Variants in ALK observed in about 807,000 individuals in gnomAD.
The protein encoded by ALK is ALK tyrosine kinase receptor.
Under a neutral mutation model 163.1 loss-of-function variants are expected in ALK, and 74 were observed. The observed-to-expected ratio is 0.45, with a 90% CI of 0.38 to 0.55. The LOEUF (loss-of-function observed/expected upper bound fraction) is 0.55. Ranked by LOEUF, ALK falls within the 20% of genes least tolerant of loss-of-function variation. ALK has a pLI of 0.00. For synonymous variants in ALK, 960 were observed against 843.2 expected, an observed-to-expected ratio of 1.14 and a Z score of -2.40; for missense variants, 2,063 against 2,105.3, an observed-to-expected ratio of 0.98 and a Z score of 0.39.
chr2:29,831,587 T>C (rs1014492052), intron 1 of ALK, among the ~76,000 whole-genome samples: 3 of 152,204 alleles, frequency 2.0e-5, no homozygotes, highest in African/African-American at 4.8e-5. Context: ...TTTTGGCTTC[T>C]TATTCTATCA....
At chr2:29,660,475 G>T (rs1677315452) in intron 3 of ALK, among the ~76,000 whole-genome samples, 1 of 152,062 alleles carries the variant, frequency 6.6e-6, no homozygotes, top group Non-Finnish European at 1.5e-5. Flanking sequence ...CTGGATGCCA[G>T]TCACTCAACT....
intron 3 of ALK, among the ~76,000 whole-genome samples, chr2:29,567,712 A>G (rs1157772561): frequency 6.6e-6 from 1 of 152,206 alleles, no homozygotes; most frequent in East Asian, 1.9e-4. Context: ...AAGAGAAGAA[A>G]AAAAATAAAG....
chr2:29,306,064 T>C (rs184994539), intron 8 of ALK, among the ~76,000 whole-genome samples: 2 of 152,190 alleles, frequency 1.3e-5, no homozygotes, highest in African/African-American at 2.4e-5. Context: ...TGGTTCCTAA[T>C]AGGCCACAGA....
At chr2:29,267,730 T>G (rs1026218534) in intron 11 of ALK, among the ~76,000 whole-genome samples, 11 of 152,044 alleles carry the variant, frequency 7.2e-5, no homozygotes, top group African/African-American at 2.7e-4. Context: ...CCGGATGAAT[T>G]AAAAAAAATG....
At chr2:29,402,822 C>T (rs1007990338) in intron 4 of ALK, among the ~76,000 whole-genome samples, 1 of 152,162 alleles carries the variant, frequency 6.6e-6, no homozygotes, top group African/African-American at 2.4e-5. Context: ...TCTCGCCAAG[C>T]AGCTCCAGCA....
chr2:29,842,489 C>T (rs1007610672), intron 1 of ALK, among the ~76,000 whole-genome samples: 3 of 152,222 alleles, frequency 2.0e-5, no homozygotes, highest in Non-Finnish European at 4.4e-5. Flanking sequence ...TCCCACTTGA[C>T]AATGAACTTT....
chr2:29,231,138 GA>G (rs1477965750), intron 15 of ALK, among the ~76,000 whole-genome samples: 4 of 152,194 alleles, frequency 2.6e-5, no homozygotes, highest in African/African-American at 7.2e-5. Flanking sequence ...AGGAGATTGA[GA>G]CCAGCCTGAC....
In ALK at chr2:29,920,248, C is replaced by T. The variant is rs2148443328; in HGVS notation, c.412G>A (p.Ala138Thr). 3 of 1,608,250 alleles carry T rather than the reference C, an allele frequency of 1.9e-6. No homozygotes were observed. The highest frequency in any genetic ancestry group is 1.7e-6 in the Non-Finnish European group (2 of 1,177,912). ...KGGSVRKLRRAKQLVLELGEE... is the reference protein window; with the variant it reads ...KGGSVRKLRRTKQLVLELGEE... ...CCCAGCTCCAGCACCAACTGCTTGG[C>T]ACGCCGGAGCTTGCGCACGGAGCCG... Residue 138 changes from alanine to threonine, a missense_variant, in exon 1 of 29, where the codon GCC (alanine) becomes ACC (threonine). Physicochemically the swap from Ala to Thr is moderately conservative, Grantham distance 58. Around this residue, in one of 5 missense-constraint regions of ALK, gnomAD observed 987 missense variants for 939.5 expected, o/e 1.05. Transcript: ENST00000389048.
intron 5 of ALK, among the ~76,000 whole-genome samples, chr2:29,335,826 G>T (rs944435626): frequency 6.6e-6 from 1 of 152,036 alleles, no homozygotes; most frequent in Non-Finnish European, 1.5e-5. Context: ...GATTGCTTGT[G>T]GTCAGGAGTT....
intron 4 of ALK, among the ~76,000 whole-genome samples, chr2:29,443,344 A>G (rs1010664765): frequency 6.6e-6 from 1 of 152,242 alleles, no homozygotes; most frequent in Non-Finnish European, 1.5e-5. Flanking sequence ...GTAGGCAAAG[A>G]GCCAGAAAAT....
At chr2:29,847,220 G>A (rs1665870230) in intron 1 of ALK, among the ~76,000 whole-genome samples, 1 of 152,130 alleles carries the variant, frequency 6.6e-6, no homozygotes, top group African/African-American at 2.4e-5. Flanking sequence ...TTCTAGAGGT[G>A]ACCATAATGA....
intron 4 of ALK, among the ~76,000 whole-genome samples, chr2:29,489,695 T>G (rs921175265): frequency 2.0e-5 from 3 of 152,160 alleles, no homozygotes; most frequent in African/African-American, 7.2e-5. Flanking sequence ...TGTTTTACAG[T>G]GAACTCCACC....
chr2:29,754,051 C>A (rs1054893762), intron 1 of ALK, among the ~76,000 whole-genome samples: 1 of 152,038 alleles, frequency 6.6e-6, no homozygotes, highest in Admixed American at 6.6e-5. Context: ...ATCCAAACAA[C>A]AAAAAGAGAG....
intron 4 of ALK, among the ~76,000 whole-genome samples, chr2:29,391,988 G>A (rs963633664): frequency 6.6e-6 from 1 of 152,130 alleles, no homozygotes; most frequent in Admixed American, 6.5e-5. Context: ...AGATATGTGG[G>A]CATGTAGTTT....
chr2:29,768,743 G>GTGTGTGTGTATA (rs373708982), intron 1 of ALK, among the ~76,000 whole-genome samples: 4 of 150,682 alleles, frequency 2.7e-5, no homozygotes, highest in African/African-American at 9.8e-5. Flanking sequence ...GTGTGTGTGT[G>GTGTGTGTGTATA]TATATATGTA....
At chr2:29,507,118 C>G (rs1672348086) in intron 4 of ALK, among the ~76,000 whole-genome samples, 1 of 152,146 alleles carries the variant, frequency 6.6e-6, no homozygotes, top group African/African-American at 2.4e-5. Context: ...ATGTTGAAAG[C>G]AACTCAAGTC....
intron 3 of ALK, among the ~76,000 whole-genome samples, chr2:29,540,573 G>T (rs1454251320): frequency 2.4e-5 from 3 of 125,448 alleles, no homozygotes; most frequent in African/African-American, 9.1e-5. Context: ...CTAAAGAGAA[G>T]AATTATGTTT....
chr2:29,897,774 C>T (rs1667307761), intron 1 of ALK, among the ~76,000 whole-genome samples: 1 of 152,204 alleles, frequency 6.6e-6, no homozygotes, highest in Non-Finnish European at 1.5e-5. Flanking sequence ...CCTTCTCAGG[C>T]TTTCCTCAAA....
chr2:29,796,134 T>C (rs145098788), intron 1 of ALK, among the ~76,000 whole-genome samples: 28 of 152,152 alleles, frequency 1.8e-4, no homozygotes, highest in Non-Finnish European at 3.4e-4. Context: ...GGCAGAAAAA[T>C]AGATAAATAG....
Sources: allele counts gnomAD v4.1 joint callset (sites outside exome capture counted in the v4.1 genomes callset), GRCh38; gene constraint gnomAD v4.1.1; regional missense constraint gnomAD v4.1.1; transcripts MANE v1.5; gene names NCBI Gene and HGNC (gene_info 2026-07-23, HGNC 2026-07-21).